Variants in LMTK3 observed in about 807,000 individuals in gnomAD.
LMTK3 encodes the protein lemur tail kinase 3.
LMTK3 carries 27 observed loss-of-function variants against 116.7 expected under a neutral mutation model. The ratio of observed to expected loss-of-function variants is 0.23; its 90% CI spans 0.17 to 0.32. The LOEUF is 0.32. Among genes scored for constraint, LMTK3 ranks in the 10% least tolerant of loss-of-function variants. LMTK3 has a pLI of 1.00. For synonymous variants in LMTK3, 965 were observed against 971.0 expected (o/e 0.99, Z 0.11); for missense variants, 1,764 against 2,068.5 (o/e 0.85, Z 2.86).
In LMTK3 at chr19:48,498,490, T is replaced by C; in HGVS notation, c.2579A>G (p.Glu860Gly). ...KPTFVVQVSTEQLLMSLREDV... is the reference protein window; with the variant it reads ...KPTFVVQVSTGQLLMSLREDV... ...CTCCCGCAGGGACATCAGCAGCTGT[T>C]CCGTGCTCACTTGAACCACGAAGGT... is the stretch of plus-strand genomic sequence containing the variant. The change falls in exon 11 of 15, where the codon GAA becomes GGA. Residue 860 changes from glutamate (E) to glycine (G), a missense_variant. Transcript: ENST00000600059. 6.3e-7 allele frequency: 1 copy of C among 1,597,692 alleles called. No individual in the cohort carries two copies.
chr19:48,497,508 T>C lies in LMTK3; in HGVS notation c.3561A>G (p.Gly1187=). ...EPGAPDSRAG[G]DTALSGDGDP... Reference sequence around the variant, plus strand: ...CCCCGTCTCCGCTGAGTGCCGTGTCTCCGCCGGCCCTGCTGTCTGGGGCCC... The same window carrying C: ...CCCCGTCTCCGCTGAGTGCCGTGTCCCCGCCGGCCCTGCTGTCTGGGGCCC... The change falls in exon 11 of 15, where the codon GGA becomes GGG. Residue 1187 remains glycine, a synonymous_variant. Transcript: ENST00000600059. This position sits in a 1 kb window ranked among gnomAD's most constrained non-coding sequence, Gnocchi z 5.7. The C allele has an allele frequency of 6.9e-7, 1 of 1,444,128 alleles. No homozygotes were observed. The highest frequency in any genetic ancestry group is 9.1e-7 in the Non-Finnish European group (1 of 1,098,244). The allele number at this position is 1,444,128 out of a possible 1,614,324, so 89.5% of individuals were successfully genotyped here. A position where few individuals can be genotyped will look rare whatever the true frequency, so the allele number is the denominator to read the frequency against.
chr19:48,491,528 G>T lies in LMTK3; in HGVS notation c.4104C>A (p.Thr1368=). The T allele has an allele frequency of 7.2e-7, 1 of 1,397,794 alleles. No individual in the cohort carries two copies. Among genetic ancestry groups the T allele is most frequent in the Admixed American group, 3.1e-5 (1 of 32,620 alleles). The allele number at this position is 1,397,794 out of a possible 1,614,324, so 86.6% of individuals were successfully genotyped here. ...TVYLFDQETP[T]NELSVQAPPE... ...GGGGGGCCTGGACGCTCAGCTCGTT[G>T]GTTGGCGTCTCCTGTGAAGGCAGAT... Residue 1368 remains threonine (T), a synonymous_variant, in exon 13 of 15, where the codon ACC becomes ACA. Transcript: ENST00000600059. The surrounding 1 kb of genome is among the most constrained non-coding windows in gnomAD (Gnocchi z 5.1).
Position 48,494,178 on chromosome 19 carries a change from G to T in LMTK3, c.3677-69C>A. On this transcript the variant is annotated intron_variant, in intron 11 of 14. Coordinates refer to ENST00000600059, the MANE Select transcript of LMTK3 (RefSeq NM_001388485.1). The surrounding 1 kb of genome is among the most constrained non-coding windows in gnomAD (Gnocchi z 4.0). ...GAGGCAGGCCCTCCCACCTAGCTGT[G>T]TGGCCTCAGATAAGACCCCCGCACA... The T allele has an allele frequency of 1.0e-6, 1 of 987,952 alleles. No individual in the cohort carries two copies. The highest frequency in any genetic ancestry group is 1.3e-6 in the Non-Finnish European group (1 of 798,378). The allele number at this position is 987,952 out of a possible 1,614,324, so 61.2% of individuals were successfully genotyped here. A position where few individuals can be genotyped will look rare whatever the true frequency, so the allele number is the denominator to read the frequency against.
intron 7 of LMTK3, among the ~76,000 whole-genome samples, chr19:48,502,146 T>C (rs1972481655): frequency 9.7e-6 from 1 of 103,330 alleles, no homozygotes; most frequent in South Asian, 4.0e-4. Context: ...CCTCCTCCCC[T>C]GACCCCTCCC....
At position 48,499,129 on chromosome 19, in the gene LMTK3, C is replaced by CCCT. The variant is rs751490115; in HGVS notation, c.1937_1939dup (p.Glu646dup). ...GCTGCTGTCTTCCCCTGGGGAGCTG[C>CCCT]CCTCCTCCTCCTCCTCTTCTTCTTC... On this transcript the variant is annotated inframe_insertion, in exon 11 of 15. Coordinates refer to ENST00000600059, the MANE Select transcript of LMTK3 (RefSeq NM_001388485.1). The CCCT allele has an allele frequency of 2.7e-5, 42 of 1,550,490 alleles. No homozygotes were observed. Among genetic ancestry groups the CCCT allele is most frequent in the African/African-American group, 4.1e-5 (3 of 72,800 alleles).
Position 48,493,941 on chromosome 19 carries a change from T to C in LMTK3, c.3845A>G (p.Asp1282Gly). ...CTCCTCGTCCTCCTCCTCGTCCTCG[T>C]CCTCGTCCTCCCCGTCCTCCTCCGC... Reference protein sequence around the residue: ...GPAEEDGEDEDEDEEEDEEAA... With the variant: ...GPAEEDGEDEGEDEEEDEEAA... The change falls in exon 12 of 15, where the codon GAC (aspartate) becomes GGC (glycine). Residue 1282 changes from aspartate (D) to glycine (G), a missense_variant. By Grantham distance (94) the Asp-to-Gly change is moderately conservative (BLOSUM62 -1). Around this residue, in one of 7 missense-constraint regions of LMTK3, gnomAD observed 281 missense variants for 301.4 expected, o/e 0.93. Transcript: ENST00000600059. 1 of 1,037,332 alleles carries C rather than the reference T, an allele frequency of 9.6e-7. No individual in the cohort carries two copies. Among genetic ancestry groups the C allele is most frequent in the Non-Finnish European group, 1.2e-6 (1 of 867,984 alleles). 64.3% of individuals were successfully genotyped at this position (1,037,332 alleles called of 1,614,324 possible).
chr19:48,512,485 C>A (rs1430307441), upstream of LMTK3, among the ~76,000 whole-genome samples: 1 of 152,142 alleles, frequency 6.6e-6, no homozygotes, highest in African/African-American at 2.4e-5. Flanking sequence ...AGTCCCTAGA[C>A]AAATGGGCAA....
At position 48,511,527 on chromosome 19, in the gene LMTK3, C is replaced by T; in HGVS notation, c.50G>A (p.Gly17Asp). Residue 17 changes from glycine (G) to aspartate (D), a missense_variant, in exon 1 of 15, where the codon GGC becomes GAC. This residue lies in a region of LMTK3 where 66 missense variants were observed against 61.1 expected (regional missense o/e 1.08). Transcript: ENST00000600059. ...GGGGTGGGCCGGGGACGCCAGGCAGCCGGAGGCGGAGACGGCCGCAAGGAG... is the reference window on the plus strand; with the variant it reads ...GGGGTGGGCCGGGGACGCCAGGCAGTCGGAGGCGGAGACGGCCGCAAGGAG... ...LILLAAVSAS[G>D]CLASPAHPDG... 2.8e-6 allele frequency: 4 copies of T among 1,412,634 alleles called. No homozygotes were observed. Among genetic ancestry groups the T allele is most frequent in the African/African-American group, 1.5e-5 (1 of 68,140 alleles). The allele number at this position is 1,412,634 out of a possible 1,614,324, so 87.5% of individuals were successfully genotyped here.
chr19:48,493,908 G>A lies in LMTK3; in HGVS notation c.3878C>T (p.Ala1293Val). The change falls in exon 12 of 15, where the codon GCG (alanine) becomes GTG (valine). Residue 1293 changes from alanine to valine, a missense_variant. Ala to Val is a moderately conservative substitution (Grantham distance 64, BLOSUM62 0). Coordinates refer to ENST00000600059, the MANE Select transcript of LMTK3 (RefSeq NM_001388485.1). ...CCGCGGCCCCGCCGCCGCGCCCGGC[G>A]CCGCCGCCTCCTCGTCCTCCTCCTC... ...EDEEEDEEAA[A>V]PGAAAGPRGP... The A allele has an allele frequency of 9.7e-7, 1 of 1,029,786 alleles. No individual in the cohort carries two copies. Among genetic ancestry groups the A allele is most frequent in the Non-Finnish European group, 1.2e-6 (1 of 862,532 alleles). The allele number at this position is 1,029,786 out of a possible 1,614,324, so 63.8% of individuals were successfully genotyped here.
chr19:48,491,775 C>T lies in LMTK3; in HGVS notation c.4093-236G>A, dbSNP rs1408678428. On this transcript the variant is annotated intron_variant, in intron 12 of 14. Transcript: ENST00000600059. The surrounding 1 kb of genome is among the most constrained non-coding windows in gnomAD (Gnocchi z 5.1). ...CTCCTTTCCTGACAGCGGAGCCCCG[C>T]GCACAGCTAAGTAGCCCAACGCAGG... Among the ~76,000 whole-genome samples, 2 of 152,194 alleles carry T rather than the reference C, an allele frequency of 1.3e-5. No individual in the cohort carries two copies. The highest frequency in any genetic ancestry group is 2.9e-5 in the Non-Finnish European group (2 of 68,032).
Position 48,499,406 on chromosome 19 carries a change from T to G in LMTK3, c.1663A>C (p.Asn555His). 2.1e-6 allele frequency: 3 copies of G among 1,447,154 alleles called. No homozygotes were observed. The highest frequency in any genetic ancestry group is 2.7e-6 in the Non-Finnish European group (3 of 1,098,674). 89.6% of individuals were successfully genotyped at this position (1,447,154 alleles called of 1,614,324 possible). ...CCTGGGTCCAGGGGGTCCCAGTCGTTGGGGAAGAGGGGCTCAGGAGGGGAG... is the reference window on the plus strand; with the variant it reads ...CCTGGGTCCAGGGGGTCCCAGTCGTGGGGGAAGAGGGGCTCAGGAGGGGAG... ...HGSPPEPLFP[N>H]DWDPLDPGVP... Residue 555 changes from asparagine to histidine, a missense_variant, in exon 11 of 15, where the codon AAC (asparagine) becomes CAC (histidine). Around this residue, in one of 7 missense-constraint regions of LMTK3, gnomAD observed 1,028 missense variants for 1,050.6 expected, o/e 0.98. Coordinates refer to ENST00000600059, the MANE Select transcript of LMTK3 (RefSeq NM_001388485.1).
In LMTK3 at chr19:48,491,340, AT is replaced by A; in HGVS notation, c.4228+63del. ...CTCCCGACCAAGCCCCTCCCACCCCATAGACCCCGCCCCGTCCGCCCCATGG... is the reference window on the plus strand; with the variant it reads ...CTCCCGACCAAGCCCCTCCCACCCCAAGACCCCGCCCCGTCCGCCCCATGG... On this transcript the variant is annotated intron_variant, in intron 13 of 14. Transcript: ENST00000600059. The surrounding 1 kb of genome is among the most constrained non-coding windows in gnomAD (Gnocchi z 5.1). 2.1e-6 allele frequency: 1 copy of A among 474,584 alleles called. No individual in the cohort carries two copies. The highest frequency in any genetic ancestry group is 3.0e-6 in the Non-Finnish European group (1 of 335,436). 29.4% of individuals were successfully genotyped at this position (474,584 alleles called of 1,614,324 possible).
In LMTK3 at chr19:48,494,098, G is replaced by T. The variant is rs1217761068; in HGVS notation, c.3688C>A (p.Arg1230=). ...AGCGGCGGCAGCGCCAGCGAGAGCC[G>T]GGAGAGCCTGGCTGCGAGGGGAGAG... The part of the protein sequence containing the change: ...NSEQIKARLS[R]LSLALPPLTL... Residue 1230 remains arginine (R), a synonymous_variant, in exon 12 of 15, where the codon CGG becomes AGG. Transcript: ENST00000600059. This position sits in a 1 kb window ranked among gnomAD's most constrained non-coding sequence, Gnocchi z 4.0. 2 of 1,197,222 alleles carry T rather than the reference G, an allele frequency of 1.7e-6. No homozygotes were observed. The highest frequency in any genetic ancestry group is 3.5e-5 in the East Asian group (1 of 28,984). 74.2% of individuals were successfully genotyped at this position (1,197,222 alleles called of 1,614,324 possible).
intron 5 of LMTK3, among the ~76,000 whole-genome samples, chr19:48,506,679 ATTG>A (rs1222439843): frequency 1.3e-5 from 2 of 151,998 alleles, no homozygotes; most frequent in African/African-American, 2.4e-5. Context: ...AAGTGTTGTT[ATTG>A]TTGTTGTTTT....
intron 14 of LMTK3, 112 bp from the exon 15 acceptor site, chr19:48,485,901 C>G: frequency 1.9e-6 from 2 of 1,075,830 alleles, no homozygotes; most frequent in Non-Finnish European, 2.7e-6. Flanking sequence ...CCCAAAAGAT[C>G]TGCTCTGTTC....
At position 48,494,046 on chromosome 19, in the gene LMTK3, C is replaced by T. The variant is rs994000015; in HGVS notation, c.3740G>A (p.Gly1247Asp). The T allele has an allele frequency of 1.5e-5, 18 of 1,177,608 alleles. 1 individual carries two copies. The African/African-American group carries it at 2.9e-4, about 19-fold the overall frequency. 72.9% of individuals were successfully genotyped at this position (1,177,608 alleles called of 1,614,324 possible). Residue 1247 changes from glycine to aspartate, a missense_variant, in exon 12 of 15, where the codon GGC becomes GAC. Transcript: ENST00000600059. This position sits in a 1 kb window ranked among gnomAD's most constrained non-coding sequence, Gnocchi z 4.0. ...GCCCTCCCACGGGGGCCGCCGCGGG[C>T]CCGGCCCCGGGAATGGCGTGAGCGT... The part of the protein sequence containing the change: ...PLTLTPFPGP[G>D]PRRPPWEGAD...
rs1334666711 is a variant in LMTK3, at chr19:48,511,573, G to C, written c.4C>G (p.Pro2Ala). The C allele has an allele frequency of 7.1e-7, 1 of 1,403,368 alleles. No individual in the cohort carries two copies. Among genetic ancestry groups the C allele is most frequent in the East Asian group, 2.9e-5 (1 of 34,420 alleles). The allele number at this position is 1,403,368 out of a possible 1,614,324, so 86.9% of individuals were successfully genotyped here. The change falls in exon 1 of 15, where the codon CCT becomes GCT. Residue 2 changes from proline to alanine, a missense_variant. By Grantham distance (27) the Pro-to-Ala change is conservative. Around this residue, in one of 7 missense-constraint regions of LMTK3, gnomAD observed 66 missense variants for 61.1 expected, o/e 1.08. Transcript: ENST00000600059. M[P>A]APGALILLAA... ...AGGAGGATGAGGGCGCCGGGGGCAG[G>C]CATCTTGTCGAGGATGGCAGGGAGG...
In LMTK3 at chr19:48,498,304, G is replaced by A. The variant is rs1972375014; in HGVS notation, c.2765C>T (p.Pro922Leu). The change falls in exon 11 of 15, where the codon CCA (proline) becomes CTA (leucine). Residue 922 changes from proline (P) to leucine (L), a missense_variant. By Grantham distance (98) the Pro-to-Leu change is moderately conservative. Coordinates refer to ENST00000600059, the MANE Select transcript of LMTK3 (RefSeq NM_001388485.1). ...NGKQAPSLSL[P>L]VNGVTVLENG... ...CTCCAGCACTGTCACCCCGTTCACT[G>A]GGAGGCTCAGGCTTGGGGCTTGTTT... The A allele has an allele frequency of 6.2e-7, 1 of 1,613,122 alleles. No homozygotes were observed. The highest frequency in any genetic ancestry group is 1.7e-5 in the Admixed American group (1 of 59,934).
In LMTK3 at chr19:48,498,363, G is replaced by C; in HGVS notation, c.2706C>G (p.Gly902=). ...CCAGGACTGTCGGGTCCCTGTTCAGGCCCGGGACTTTCTCTCTGTTCCCGG... is the reference window on the plus strand; with the variant it reads ...CCAGGACTGTCGGGTCCCTGTTCAGCCCCGGGACTTTCTCTCTGTTCCCGG... The part of the protein sequence containing the change: ...RGPGNREKVP[G]LNRDPTVLGN... The change falls in exon 11 of 15, where the codon GGC becomes GGG. Residue 902 remains glycine (G), a synonymous_variant. Coordinates refer to ENST00000600059, the MANE Select transcript of LMTK3 (RefSeq NM_001388485.1). 1 of 1,612,822 alleles carries C rather than the reference G, an allele frequency of 6.2e-7. No individual in the cohort carries two copies. Among genetic ancestry groups the C allele is most frequent in the Non-Finnish European group, 8.5e-7 (1 of 1,179,688 alleles).
Sources: gnomAD v4.1 joint callset for allele counts (sites outside exome capture counted in the v4.1 genomes callset) on GRCh38, gnomAD v4.1.1 for gene constraint, gnomAD v4.1.1 regional missense constraint, Gnocchi (gnomAD v3.1) non-coding constraint, MANE v1.5 for transcripts, NCBI Gene and HGNC (gene_info 2026-07-23, HGNC 2026-07-21) for gene names.